The following DTNB variants were observed in gnomAD, a reference collection of about 807,000 sequenced individuals.
DTNB encodes dystrobrevin beta, also known as DTN-B.
DTNB carries 63 observed loss-of-function variants against 90.7 expected under a neutral mutation model. That is an observed-to-expected ratio of 0.69 (90% CI 0.57 to 0.86). The LOEUF (loss-of-function observed/expected upper bound fraction) is 0.86, where lower values mean the gene tolerates loss of function less well. Ranked by LOEUF, DTNB falls within the 40% of genes least tolerant of loss-of-function variation. DTNB has a pLI of 0.00. For synonymous variants in DTNB, 277 were observed against 286.7 expected (o/e 0.97, Z 0.34); for missense variants, 744 against 807.1 (o/e 0.92, Z 0.95).
At chr2:25,634,956 G>A (rs936831050) in intron 3 of DTNB, among the ~76,000 whole-genome samples, 8 of 131,128 alleles carry the variant, frequency 6.1e-5, no homozygotes, top group African/African-American at 2.1e-4. Context: ...GAAAACCAGA[G>A]ACCTTTGTTC....
chr2:25,421,638 G>C (rs1328836465), intron 15 of DTNB, among the ~76,000 whole-genome samples: 1 of 152,212 alleles, frequency 6.6e-6, no homozygotes, highest in East Asian at 1.9e-4. Flanking sequence ...TGGTTGGGGA[G>C]GGATGGGGCA....
chr2:25,416,598 G>A (rs1338175104), intron 16 of DTNB, among the ~76,000 whole-genome samples: 3 of 152,242 alleles, frequency 2.0e-5, no homozygotes, highest in East Asian at 1.9e-4. Flanking sequence ...CCCAGGAGGC[G>A]GAGGTTGCAG....
chr2:25,503,248 G>A (rs1257331700), intron 9 of DTNB, among the ~76,000 whole-genome samples: 4 of 151,910 alleles, frequency 2.6e-5, no homozygotes, highest in Non-Finnish European at 5.9e-5. Flanking sequence ...CCAACACTTT[G>A]GTAGGTTGAG....
intron 8 of DTNB, 107 bp from the exon 9 acceptor site, chr2:25,531,704 T>A: frequency 7.0e-7 from 1 of 1,424,988 alleles, no homozygotes; most frequent in Non-Finnish European, 9.3e-7. Flanking sequence ...TCTTTTCAAA[T>A]ACAAATCAAG....
At chr2:25,403,891 C>T (rs546534494) in intron 16 of DTNB, among the ~76,000 whole-genome samples, 2 of 152,270 alleles carry the variant, frequency 1.3e-5, no homozygotes, top group African/African-American at 4.8e-5. Context: ...ATCAGCCTCC[C>T]TTGTAGCTGG....
At chr2:25,445,270 G>A (rs2058222316) in intron 12 of DTNB, among the ~76,000 whole-genome samples, 1 of 152,206 alleles carries the variant, frequency 6.6e-6, no homozygotes, top group Admixed American at 6.5e-5. Context: ...GTGACTGACT[G>A]AGGGCATGTC....
chr2:25,489,256 C>A (rs1336546082), intron 9 of DTNB, among the ~76,000 whole-genome samples: 1 of 152,092 alleles, frequency 6.6e-6, no homozygotes, highest in Non-Finnish European at 1.5e-5. Context: ...TAACTTGTAC[C>A]TTTAAAAATG....
intron 10 of DTNB, among the ~76,000 whole-genome samples, chr2:25,467,177 A>C (rs767292800): frequency 7.2e-5 from 11 of 152,214 alleles, no homozygotes; most frequent in Non-Finnish European, 1.6e-4. Flanking sequence ...ATTCATCTCC[A>C]TATTTGTTAT....
At chr2:25,401,178 TG>T (rs2043622447) in intron 16 of DTNB, among the ~76,000 whole-genome samples, 1 of 152,130 alleles carries the variant, frequency 6.6e-6, no homozygotes, top group Non-Finnish European at 1.5e-5. Context: ...CTAAGCATAT[TG>T]GGATCACAGC....
At chr2:25,491,065 T>A (rs1416002426) in intron 9 of DTNB, among the ~76,000 whole-genome samples, 1 of 150,790 alleles carries the variant, frequency 6.6e-6, no homozygotes, top group Admixed American at 6.6e-5. Context: ...AAAAAAAGAA[T>A]CAAATTTCTA....
intron 3 of DTNB, among the ~76,000 whole-genome samples, chr2:25,634,915 A>T (rs964079814): frequency 8.5e-6 from 1 of 117,822 alleles, no homozygotes; most frequent in African/African-American, 2.7e-5. Flanking sequence ...GGACACAAAC[A>T]CTGCGGAAGG....
intron 2 of DTNB, among the ~76,000 whole-genome samples, chr2:25,641,035 T>C (rs1339373851): frequency 6.6e-6 from 1 of 152,148 alleles, no homozygotes; most frequent in Non-Finnish European, 1.5e-5. Flanking sequence ...CGGAAAATGA[T>C]AAGCTCCATA....
rs2149507149 is a variant in DTNB, at chr2:25,383,028, A to C, written c.1879+808T>G. 3.9e-5 allele frequency among the ~76,000 whole-genome samples: 6 copies of C among 152,286 alleles called. 1 individual carries two copies. Among genetic ancestry groups the C allele is most frequent in the Admixed American group, 3.9e-4 (6 of 15,296 alleles). On this transcript the variant is annotated intron_variant, in intron 19 of 20. Coordinates refer to ENST00000406818, the MANE Select transcript of DTNB (RefSeq NM_021907.5). ...TATATAATGAAACTAGGAAGGCACT[A>C]CTGTCCTTTGCTGACACCTTCCCTT...
At chr2:25,548,006 T>C (rs1040179371) in intron 8 of DTNB, among the ~76,000 whole-genome samples, 2 of 152,204 alleles carry the variant, frequency 1.3e-5, no homozygotes, top group African/African-American at 4.8e-5. Flanking sequence ...GTACCCCATA[T>C]CAGTTTTCAT....
At chr2:25,642,560 G>A (rs569191105) in intron 2 of DTNB, among the ~76,000 whole-genome samples, 1 of 151,914 alleles carries the variant, frequency 6.6e-6, no homozygotes, top group East Asian at 1.9e-4. Context: ...ACAGGTGTGT[G>A]CCACCACACC....
chr2:25,635,055 AAAAAAAAT>A (rs1310184010), intron 3 of DTNB, among the ~76,000 whole-genome samples: 6 of 147,148 alleles, frequency 4.1e-5, no homozygotes, highest in African/African-American at 7.5e-5. Context: ...ATGATCAATA[AAAAAAAAT>A]AAAAAAATAA....
At chr2:25,651,638 T>C (rs1303034591) in intron 2 of DTNB, among the ~76,000 whole-genome samples, 1 of 152,228 alleles carries the variant, frequency 6.6e-6, no homozygotes, top group Non-Finnish European at 1.5e-5. Context: ...GGACAACACA[T>C]GGCTGAGCTG....
chr2:25,624,697 T>C (rs907157099), intron 4 of DTNB, among the ~76,000 whole-genome samples: 2 of 152,182 alleles, frequency 1.3e-5, no homozygotes, highest in Admixed American at 6.5e-5. Context: ...AGTGTGAAAC[T>C]GGCTCAGCTA....
At chr2:25,507,692 A>T (rs2072821835) in intron 9 of DTNB, among the ~76,000 whole-genome samples, 1 of 152,130 alleles carries the variant, frequency 6.6e-6, no homozygotes, top group Non-Finnish European at 1.5e-5. Flanking sequence ...TCTATTCTCT[A>T]CAGCGGCCAG....
Sources: allele counts gnomAD v4.1 joint callset (sites outside exome capture counted in the v4.1 genomes callset), GRCh38; gene constraint gnomAD v4.1.1; transcripts MANE v1.5; gene names NCBI Gene and HGNC (gene_info 2026-07-23, HGNC 2026-07-21).